Variants in MTDH observed in about 807,000 individuals in gnomAD.
The protein encoded by MTDH is protein LYRIC.
MTDH carries 34 observed loss-of-function variants against 72.7 expected under a neutral mutation model. The ratio of observed to expected loss-of-function variants is 0.47; its 90% CI spans 0.36 to 0.62. The LOEUF is 0.62. Among genes scored for constraint, MTDH ranks in the 20% least tolerant of loss-of-function variants. MTDH has a pLI of 0.00. For synonymous variants in MTDH, 266 were observed against 268.9 expected (o/e 0.99, Z 0.10); for missense variants, 677 against 699.4 (o/e 0.97, Z 0.36).
At chr8:97,681,651 G>C (rs1031015732) in intron 2 of MTDH, among the ~76,000 whole-genome samples, 2 of 151,732 alleles carry the variant, frequency 1.3e-5, no homozygotes, top group African/African-American at 4.8e-5. Context: ...GCACCAGCAC[G>C]CTTGGCTGAT....
Position 97,728,928 on chromosome 8 carries a change from A to G in MTDH, c.*4258A>G, listed in dbSNP as rs77765878. On this transcript the variant is annotated 3_prime_UTR_variant, in exon 12 of 12. Coordinates refer to ENST00000336273, the MANE Select transcript of MTDH (RefSeq NM_178812.4). ...TGTAGCTTTTTTTTTTTTTCTTTTA[A>G]TGAGATAGGGTCTCACTCTGTTGCC... Among the ~76,000 whole-genome samples the G allele has an allele frequency of 5.5e-3, 805 of 146,564 alleles. 4 individuals are homozygous for G. The highest frequency in any genetic ancestry group is 0.019 in the African/African-American group (751 of 39,936).
At chr8:97,692,570 G>C (rs537642684) in intron 6 of MTDH, among the ~76,000 whole-genome samples, 20 of 151,980 alleles carry the variant, frequency 1.3e-4, no homozygotes, top group Non-Finnish European at 2.8e-4. Context: ...TAGAGACGGG[G>C]TTTCACCATG....
At position 97,729,454 on chromosome 8, in the gene MTDH, A is replaced by AT. The variant is rs1234137487; in HGVS notation, c.*4788dup. On this transcript the variant is annotated 3_prime_UTR_variant, in exon 12 of 12. Coordinates refer to ENST00000336273, the MANE Select transcript of MTDH (RefSeq NM_178812.4). ...CTGGGTTGTCATGGGCCAAATTAAC[A>AT]TTTTGAGATTCTGTTAGGAAGATGA... Among the ~76,000 whole-genome samples, 1 of 152,122 alleles carries AT rather than the reference A, an allele frequency of 6.6e-6. No homozygotes were observed. The highest frequency in any genetic ancestry group is 2.4e-5 in the African/African-American group (1 of 41,442).
At chr8:97,723,290 C>G (rs190414882) in intron 11 of MTDH, among the ~76,000 whole-genome samples, 1 of 150,206 alleles carries the variant, frequency 6.7e-6, no homozygotes, top group African/African-American at 2.5e-5. Context: ...CCCAGCTACT[C>G]GGGAGGCTGA....
intron 7 of MTDH, among the ~76,000 whole-genome samples, chr8:97,702,725 A>G (rs1332808837): frequency 6.6e-6 from 1 of 152,260 alleles, no homozygotes; most frequent in Admixed American, 6.5e-5. Flanking sequence ...ACATTATTCC[A>G]TAAGTGAATT....
chr8:97,706,849 T>C, intron 8 of MTDH, 99 bp downstream of exon 8: 3 of 1,372,182 alleles, frequency 2.2e-6, no homozygotes, highest in Non-Finnish European at 2.9e-6. Flanking sequence ...GGAGGTACTG[T>C]GGGAGGATTG....
At chr8:97,670,426 G>A (rs192662936) in intron 2 of MTDH, among the ~76,000 whole-genome samples, 1 of 152,276 alleles carries the variant, frequency 6.6e-6, no homozygotes, top group African/African-American at 2.4e-5. Context: ...AGACCATCTT[G>A]GCCAACAAGG....
At chr8:97,681,287 T>C (rs1397039486) in intron 2 of MTDH, among the ~76,000 whole-genome samples, 7 of 152,098 alleles carry the variant, frequency 4.6e-5, no homozygotes, top group Non-Finnish European at 1.0e-4. Context: ...ACCAGTCTTG[T>C]AGGAATCAAA....
At chr8:97,669,922 CA>C (rs61250041) in intron 2 of MTDH, among the ~76,000 whole-genome samples, 99 of 119,320 alleles carry the variant, frequency 8.3e-4, no homozygotes, top group Non-Finnish European at 7.7e-4. Context: ...GACTCCATCT[CA>C]AAAAAAAAAA....
intron 11 of MTDH, among the ~76,000 whole-genome samples, chr8:97,724,106 A>C (rs936550596): frequency 2.6e-5 from 4 of 152,178 alleles, no homozygotes; most frequent in Non-Finnish European, 4.4e-5. Context: ...AAGACTCAAT[A>C]AATAAATGAT....
intron 6 of MTDH, among the ~76,000 whole-genome samples, chr8:97,693,271 A>G (rs908977623): frequency 3.3e-5 from 5 of 152,182 alleles, no homozygotes; most frequent in South Asian, 2.1e-4. Context: ...ATTTTGGTTA[A>G]CTTTTTGAAA....
chr8:97,667,492 G>A (rs1239362069), intron 2 of MTDH, among the ~76,000 whole-genome samples: 1 of 152,186 alleles, frequency 6.6e-6, no homozygotes, highest in African/African-American at 2.4e-5. Context: ...AAACACTTAT[G>A]CAATGGCTTG....
intron 2 of MTDH, among the ~76,000 whole-genome samples, chr8:97,684,820 A>G (rs1813293091): frequency 6.6e-6 from 1 of 152,246 alleles, no homozygotes; most frequent in Non-Finnish European, 1.5e-5. Flanking sequence ...CTATAATCCC[A>G]ACACTTTGGG....
intron 2 of MTDH, among the ~76,000 whole-genome samples, chr8:97,662,477 G>T (rs1333338556): frequency 6.6e-6 from 1 of 151,230 alleles, no homozygotes; most frequent in South Asian, 2.1e-4. Flanking sequence ...TAGCTTCTTG[G>T]AATAGTGGTA....
chr8:97,670,900 G>A (rs1170699538), intron 2 of MTDH, among the ~76,000 whole-genome samples: 1 of 151,308 alleles, frequency 6.6e-6, no homozygotes, highest in Non-Finnish European at 1.5e-5. Flanking sequence ...GGGATTACAG[G>A]CGCCCACTGC....
intron 2 of MTDH, among the ~76,000 whole-genome samples, chr8:97,661,568 A>G (rs765927287): frequency 5.9e-5 from 9 of 152,218 alleles, no homozygotes; most frequent in Non-Finnish European, 1.0e-4. Flanking sequence ...TCGTTCAGTG[A>G]TGTTTAGTGT....
At chr8:97,694,223 G>A (rs767842549) in intron 6 of MTDH, among the ~76,000 whole-genome samples, 1 of 150,064 alleles carries the variant, frequency 6.7e-6, no homozygotes, top group Non-Finnish European at 1.5e-5. Context: ...TTGAGATGGA[G>A]TTTTGCCCTT....
intron 6 of MTDH, among the ~76,000 whole-genome samples, chr8:97,697,391 T>G (rs1352265569): frequency 1.6e-4 from 21 of 130,780 alleles, no homozygotes; most frequent in Admixed American, 1.1e-3. Flanking sequence ...GTTTTTTTTT[T>G]TTTTTTTTTT....
intron 10 of MTDH, among the ~76,000 whole-genome samples, 190 bp from the exon 11 acceptor site, chr8:97,722,689 A>G (rs1028006881): frequency 1.3e-5 from 2 of 152,200 alleles, no homozygotes; most frequent in African/African-American, 4.8e-5. Flanking sequence ...ATCTCAACAT[A>G]TATTCATAAA....
Sources: allele counts gnomAD v4.1 joint callset (sites outside exome capture counted in the v4.1 genomes callset), GRCh38; gene constraint gnomAD v4.1.1; transcripts MANE v1.5; gene names NCBI Gene and HGNC (gene_info 2026-07-23, HGNC 2026-07-21).